DOCK4: variants seen among roughly 807,000 people sequenced by gnomAD.
DOCK4 encodes the protein dedicator of cytokinesis 4.
A neutral mutation model predicts 268.1 loss-of-function variants in DOCK4; 97 were observed. The observed-to-expected ratio is 0.36, with a 90% confidence interval of 0.31 to 0.43. The LOEUF is 0.43. Ranked by LOEUF, DOCK4 falls within the 20% of genes least tolerant of loss-of-function variation. The pLI is 1.00. For synonymous variants in DOCK4, 954 were observed against 887.2 expected, an observed-to-expected ratio of 1.08 and a Z score of -1.34; for missense variants, 2,145 against 2,455.7, an observed-to-expected ratio of 0.87 and a Z score of 2.67.
At chr7:111,774,253 C>T (rs1190611814) in intron 36 of DOCK4, among the ~76,000 whole-genome samples, 1 of 151,980 alleles carries the variant, frequency 6.6e-6, no homozygotes, top group Non-Finnish European at 1.5e-5. Flanking sequence ...TCACCTGAGG[C>T]CAGAAGTTCG....
At chr7:112,000,573 T>C (rs1800341572) in intron 2 of DOCK4, 39 bp from the exon 3 acceptor site, 1 of 1,407,302 alleles carries the variant, frequency 7.1e-7, no homozygotes, top group Non-Finnish European at 9.7e-7. Context: ...TGATAAACCA[T>C]TGTAATATTT....
At chr7:111,760,968 C>A (rs570302752) in intron 39 of DOCK4, among the ~76,000 whole-genome samples, 3 of 152,142 alleles carry the variant, frequency 2.0e-5, no homozygotes, top group Non-Finnish European at 4.4e-5. Context: ...TGATGAAGCA[C>A]ACTGCATGTC....
At chr7:111,828,858 T>C (rs905623009) in intron 26 of DOCK4, among the ~76,000 whole-genome samples, 15 of 148,372 alleles carry the variant, frequency 1.0e-4, no homozygotes, top group African/African-American at 3.6e-4. Flanking sequence ...TAAATAATTA[T>C]ATTAACACTA....
intron 8 of DOCK4, among the ~76,000 whole-genome samples, chr7:111,960,526 T>A (rs1341608204): frequency 1.1e-5 from 1 of 92,556 alleles, no homozygotes; most frequent in African/African-American, 5.7e-5. Context: ...TCATGTGCTT[T>A]TTTTTTTTTT....
rs567104467 is a variant in DOCK4, at chr7:111,993,302, T to C, written c.315+833A>G. ...CACGTTTGTATTTTGAATTAATCCC[T>C]TCAAATGATTAAGCTGTTCTACAAA... On this transcript the variant is annotated intron_variant, in intron 5 of 52. Transcript: ENST00000428084. Among the ~76,000 whole-genome samples, 17 of 152,330 alleles carry C rather than the reference T, an allele frequency of 1.1e-4. No homozygotes were observed. The East Asian group carries it at 1.9e-3, about 17-fold the overall frequency.
At chr7:112,139,672 T>TA (rs1162713252) in intron 1 of DOCK4, among the ~76,000 whole-genome samples, 3 of 152,172 alleles carry the variant, frequency 2.0e-5, no homozygotes. Context: ...CAGTGATAAT[T>TA]AAGAGTTTTC....
chr7:112,160,765 T>C (rs542413764), intron 1 of DOCK4, among the ~76,000 whole-genome samples: 8 of 152,348 alleles, frequency 5.3e-5, no homozygotes, highest in African/African-American at 1.9e-4. Context: ...ACACTTATCT[T>C]TCGAAACAAC....
chr7:111,849,619 C>T (rs977929975), intron 23 of DOCK4, among the ~76,000 whole-genome samples: 3 of 152,090 alleles, frequency 2.0e-5, no homozygotes, highest in Non-Finnish European at 4.4e-5. Context: ...ATTGTCCATT[C>T]ATCTTCACAA....
chr7:112,016,039 A>G (rs1040414043), intron 1 of DOCK4, among the ~76,000 whole-genome samples: 1 of 152,234 alleles, frequency 6.6e-6, no homozygotes, highest in African/African-American at 2.4e-5. Flanking sequence ...TTACATTTCA[A>G]CATAAGTTTT....
rs745947323 is a variant in DOCK4 at position 111,863,548 on chromosome 7, G to C, written c.2297C>G (p.Ser766Cys). Reference sequence around the variant, plus strand: ...CAGTTCTGAGTACACGGCAGGGAAAGAGCTCAGAAACACAGCCTTAAAAAG... The same window carrying C: ...CAGTTCTGAGTACACGGCAGGGAAACAGCTCAGAAACACAGCCTTAAAAAG... ...LSQSQAVFLS[S>C]FPAVYSELLK... Residue 766 changes from serine (S) to cysteine (C), a missense_variant, in exon 23 of 53, where the codon TCT becomes TGT. Ser to Cys is a moderately radical substitution (Grantham distance 112). Around this residue, in one of 2 missense-constraint regions of DOCK4, gnomAD observed 1,598 missense variants for 1,986.7 expected, o/e 0.80. Transcript: ENST00000428084. 6.2e-7 allele frequency: 1 copy of C among 1,606,222 alleles called. No homozygotes were observed. The highest frequency in any genetic ancestry group is 8.5e-7 in the Non-Finnish European group (1 of 1,174,734).
At chr7:111,811,974 T>A in intron 27 of DOCK4, 25 bp from the exon 28 acceptor site, 1 of 1,310,914 alleles carries the variant, frequency 7.6e-7, no homozygotes, top group Non-Finnish European at 1.1e-6. Context: ...AATGACAAGG[T>A]GAAAACTTCA....
At chr7:112,019,988 C>T (rs1802173502) in intron 1 of DOCK4, among the ~76,000 whole-genome samples, 1 of 152,130 alleles carries the variant, frequency 6.6e-6, no homozygotes, top group African/African-American at 2.4e-5. Context: ...TCCCAATTTA[C>T]AATTGGAGCT....
rs745360986 is a variant in DOCK4 at position 112,176,955 on chromosome 7, T to C, written c.37+29147A>G. Among the ~76,000 whole-genome samples the C allele has an allele frequency of 2.6e-4, 39 of 152,188 alleles. 3 individuals are homozygous for C. Among genetic ancestry groups the C allele is most frequent in the Non-Finnish European group, 2.9e-5 (2 of 68,036 alleles). On this transcript the variant is annotated intron_variant, in intron 1 of 52. Coordinates refer to ENST00000428084, the MANE Select transcript of DOCK4 (RefSeq NM_001363540.2). ...TTCAAGATCTTGGCCATGGTGTCCT[T>C]TAGTGACATAAGTTCCCTAGGTTAC...
intron 20 of DOCK4, among the ~76,000 whole-genome samples, chr7:111,871,100 C>G (rs1697714154): frequency 6.6e-6 from 1 of 152,184 alleles, no homozygotes; most frequent in African/African-American, 2.4e-5. Flanking sequence ...ATCTGATAAC[C>G]TATTAACCTT....
At chr7:111,986,727 T>C (rs983808393) in intron 6 of DOCK4, among the ~76,000 whole-genome samples, 6 of 152,168 alleles carry the variant, frequency 3.9e-5, no homozygotes, top group East Asian at 3.9e-4. Flanking sequence ...ACATGTACCA[T>C]TATTTTAGTG....
In DOCK4 at chr7:111,849,262, C is replaced by CTTT. The variant is rs200312873; in HGVS notation, c.2474-2139_2474-2137dup. Among the ~76,000 whole-genome samples, 598 of 133,344 alleles carry CTTT rather than the reference C, an allele frequency of 4.5e-3. 13 individuals carry two copies. Among genetic ancestry groups the CTTT allele is most frequent in the African/African-American group, 0.016 (567 of 35,910 alleles). 87.5% of individuals were successfully genotyped at this position (133,344 alleles called of 152,430 possible). ...TGAACTATCTTTTTCTTCCTAGTTA[C>CTTT]TTTTTTTTTTTTTTTTTTGAGACGG... On this transcript the variant is annotated intron_variant, in intron 23 of 52. Transcript: ENST00000428084.
intron 25 of DOCK4, among the ~76,000 whole-genome samples, chr7:111,842,301 G>A (rs1384317161): frequency 2.6e-5 from 4 of 152,146 alleles, no homozygotes; most frequent in Non-Finnish European, 5.9e-5. Context: ...CAAAGATGGG[G>A]CTGAAGAGGC....
chr7:111,921,121 T>C (rs531275373), intron 12 of DOCK4, among the ~76,000 whole-genome samples: 6 of 152,282 alleles, frequency 3.9e-5, no homozygotes, highest in African/African-American at 1.4e-4. Context: ...GGGAGAAATG[T>C]TCCCTTTCTT....
chr7:111,977,801 T>C (rs1014985229), intron 7 of DOCK4, among the ~76,000 whole-genome samples: 4 of 152,210 alleles, frequency 2.6e-5, no homozygotes, highest in African/African-American at 9.7e-5. Flanking sequence ...GTTGTGGTAG[T>C]TGTCTGAGAC....
Sources: allele counts gnomAD v4.1 joint callset (sites outside exome capture counted in the v4.1 genomes callset), GRCh38; gene constraint gnomAD v4.1.1; regional missense constraint gnomAD v4.1.1; transcripts MANE v1.5; gene names NCBI Gene and HGNC (gene_info 2026-07-23, HGNC 2026-07-21).